KCNB2: variants seen among roughly 807,000 people sequenced by gnomAD.
The protein encoded by KCNB2 is delayed rectifier potassium channel protein.
KCNB2 carries 15 observed loss-of-function variants against 61.5 expected under a neutral mutation model. The ratio of observed to expected loss-of-function variants is 0.24; its 90% CI spans 0.16 to 0.38. The LOEUF is 0.38. KCNB2 is among the 10% of genes least tolerant of loss of function. The pLI, the probability that KCNB2 is intolerant of heterozygous loss-of-function variation, is 1.00. For synonymous variants in KCNB2, 457 were observed against 446.0 expected (o/e 1.02, Z -0.31); for missense variants, 828 against 1,125.2 (o/e 0.74, Z 3.78).
chr8:72,818,888 A>T (rs1440335), intron 2 of KCNB2, among the ~76,000 whole-genome samples: 165 of 151,246 alleles, frequency 1.1e-3, no homozygotes, highest in Non-Finnish European at 1.7e-3. Context: ...CTGAGTTTAG[A>T]CTCTCCCAAT....
At chr8:72,685,921 G>A (rs147066923) in intron 2 of KCNB2, among the ~76,000 whole-genome samples, 257 of 152,238 alleles carry the variant, frequency 1.7e-3, no homozygotes, top group African/African-American at 5.9e-3. Context: ...CCCGGGAGGC[G>A]GAGGTTGCAG....
intron 2 of KCNB2, among the ~76,000 whole-genome samples, chr8:72,910,691 C>T (rs1258130223): frequency 6.6e-6 from 1 of 152,100 alleles, no homozygotes; most frequent in African/African-American, 2.4e-5. Flanking sequence ...CTGAGACAAG[C>T]GTTTCATTAG....
At chr8:72,584,743 A>T (rs1385317151) in intron 2 of KCNB2, among the ~76,000 whole-genome samples, 1 of 152,186 alleles carries the variant, frequency 6.6e-6, no homozygotes, top group Non-Finnish European at 1.5e-5. Flanking sequence ...GCATGGTCTT[A>T]TACATTTATA....
chr8:72,790,964 G>A (rs1808931838), intron 2 of KCNB2, among the ~76,000 whole-genome samples: 1 of 152,176 alleles, frequency 6.6e-6, no homozygotes, highest in Non-Finnish European at 1.5e-5. Flanking sequence ...ACTGTATGAT[G>A]AGAATGAAGA....
chr8:72,815,982 A>C (rs1240566073), intron 2 of KCNB2, among the ~76,000 whole-genome samples: 1 of 152,180 alleles, frequency 6.6e-6, no homozygotes, highest in African/African-American at 2.4e-5. Context: ...GCAATGAGAG[A>C]GGAGAGAAAA....
chr8:72,626,763 A>G (rs1470348942), intron 2 of KCNB2, among the ~76,000 whole-genome samples: 1 of 152,228 alleles, frequency 6.6e-6, no homozygotes, highest in Non-Finnish European at 1.5e-5. Flanking sequence ...ACCACTATGC[A>G]TGGCACCTCC....
intron 2 of KCNB2, among the ~76,000 whole-genome samples, chr8:72,811,136 C>T (rs765006875): frequency 6.7e-6 from 1 of 149,056 alleles, no homozygotes; most frequent in Non-Finnish European, 1.5e-5. Context: ...ATGCCAGATA[C>T]CAGATATGGA....
chr8:72,913,207 C>T (rs1806332298), intron 2 of KCNB2, among the ~76,000 whole-genome samples: 1 of 151,964 alleles, frequency 6.6e-6, no homozygotes, highest in Admixed American at 6.6e-5. Context: ...CCAGGAGAAC[C>T]CTGGGCAAGT....
chr8:72,780,995 T>G (rs185238297), intron 2 of KCNB2, among the ~76,000 whole-genome samples: 3 of 152,326 alleles, frequency 2.0e-5, no homozygotes, highest in Admixed American at 1.3e-4. Context: ...CTTTTTTTCA[T>G]ATGTTTGTTG....
At chr8:72,540,926 AGAGT>A (rs1459710644) in intron 1 of KCNB2, among the ~76,000 whole-genome samples, 1 of 152,012 alleles carries the variant, frequency 6.6e-6, no homozygotes, top group Non-Finnish European at 1.5e-5. Flanking sequence ...TATAAGGAGA[AGAGT>A]GCTTGAATAG....
chr8:72,814,107 A>C (rs1809350256), intron 2 of KCNB2, among the ~76,000 whole-genome samples: 1 of 152,050 alleles, frequency 6.6e-6, no homozygotes, highest in African/African-American at 2.4e-5. Flanking sequence ...ACAAGAGTGC[A>C]TGCTTTTTTT....
In KCNB2 at chr8:72,864,060, A is replaced by C. The variant is rs1024624990; in HGVS notation, c.580-71875A>C. The stretch of plus-strand genomic sequence containing the variant: ...TTTTGCACACTTACCCACGTGACAG[A>C]GGAGGGAAAAACCACTGATTTCTCA... On this transcript the variant is annotated intron_variant, in intron 2 of 2. Coordinates refer to ENST00000523207, the MANE Select transcript of KCNB2 (RefSeq NM_004770.3). 2.6e-5 allele frequency among the ~76,000 whole-genome samples: 4 copies of C among 152,302 alleles called. 1 individual carries two copies.
chr8:72,744,158 A>C (rs1808017326), intron 2 of KCNB2, among the ~76,000 whole-genome samples: 1 of 152,168 alleles, frequency 6.6e-6, no homozygotes, highest in Non-Finnish European at 1.5e-5. Flanking sequence ...AGATCCATAA[A>C]GCCGGGAATA....
At position 72,709,428 on chromosome 8, in the gene KCNB2, G is replaced by A. The variant is rs144603638; in HGVS notation, c.579+141115G>A. Among the ~76,000 whole-genome samples the A allele has an allele frequency of 8.6e-3, 1,303 of 151,880 alleles. 16 individuals are homozygous for A. The highest frequency in any genetic ancestry group is 0.03 in the African/African-American group (1,244 of 41,440). On this transcript the variant is annotated intron_variant, in intron 2 of 2. Transcript: ENST00000523207. ...ATTTATGAAGAAAGAGATTTAATTG[G>A]CTCACAGTCCTGCAGGCTGTACAGG...
chr8:72,627,735 C>T (rs951896785), intron 2 of KCNB2, among the ~76,000 whole-genome samples: 2 of 152,168 alleles, frequency 1.3e-5, no homozygotes, highest in Non-Finnish European at 2.9e-5. Flanking sequence ...TTAGAACTTT[C>T]CTTCTGACTT....
chr8:72,772,819 C>G (rs1213131803), intron 2 of KCNB2, among the ~76,000 whole-genome samples: 2 of 152,188 alleles, frequency 1.3e-5, no homozygotes, highest in Non-Finnish European at 2.9e-5. Flanking sequence ...GCATCAGTGG[C>G]ACTATGCAAA....
Position 72,818,356 on chromosome 8 carries a change from G to A in KCNB2, c.580-117579G>A, listed in dbSNP as rs570382884. On this transcript the variant is annotated intron_variant, in intron 2 of 2. Transcript: ENST00000523207. Reference sequence around the variant, plus strand: ...AAATCCAATATTGTTTGTACCTTAGGAGAGAACTTGATTTGGAGTAATTAT... The same window carrying A: ...AAATCCAATATTGTTTGTACCTTAGAAGAGAACTTGATTTGGAGTAATTAT... Among the ~76,000 whole-genome samples, 27 of 152,108 alleles carry A rather than the reference G, an allele frequency of 1.8e-4. No individual in the cohort carries two copies. In the South Asian group the frequency reaches 5.0e-3, roughly 28 times the overall value.
At chr8:72,933,142 A>G (rs551779767) in intron 2 of KCNB2, among the ~76,000 whole-genome samples, 107 of 152,354 alleles carry the variant, frequency 7.0e-4, no homozygotes, top group Middle Eastern at 3.4e-3. Flanking sequence ...ATTTGTCTTC[A>G]AGAATGTGTC....
intron 2 of KCNB2, among the ~76,000 whole-genome samples, chr8:72,923,763 C>G (rs1312227614): frequency 6.6e-6 from 1 of 152,124 alleles, no homozygotes; most frequent in Admixed American, 6.6e-5. Context: ...AAAGGAGGCA[C>G]TAATGTCAAA....
Sources: gnomAD v4.1 joint callset for allele counts (sites outside exome capture counted in the v4.1 genomes callset) on GRCh38, gnomAD v4.1.1 for gene constraint, MANE v1.5 for transcripts, NCBI Gene and HGNC (gene_info 2026-07-23, HGNC 2026-07-21) for gene names.